Variants in NBEA observed in about 807,000 individuals in gnomAD.
The protein encoded by NBEA is lysosomal-trafficking regulator 2.
Under a neutral mutation model 343.4 loss-of-function variants are expected in NBEA, and 44 were observed. That is an observed-to-expected ratio of 0.13 (90% CI 0.10 to 0.16). The LOEUF is 0.16. NBEA is among the 10% of genes least tolerant of loss of function. NBEA has a pLI of 1.00. For missense variants in NBEA, 2,555 were observed against 3,631.3 expected (o/e 0.70, Z 7.62); for synonymous variants, 1,175 against 1,238.7 (o/e 0.95, Z 1.08).
At chr13:35,390,343 T>C (rs2042441611) in intron 38 of NBEA, among the ~76,000 whole-genome samples, 1 of 152,164 alleles carries the variant, frequency 6.6e-6, no homozygotes, top group South Asian at 2.1e-4. Context: ...TCTTTTTCTT[T>C]GGAGACTTTA....
intron 18 of NBEA, among the ~76,000 whole-genome samples, chr13:35,151,595 G>A (rs1259243699): frequency 6.6e-6 from 1 of 150,856 alleles, no homozygotes; most frequent in Non-Finnish European, 1.5e-5. Flanking sequence ...AGCAGGACAT[G>A]TCAGACAACA....
intron 34 of NBEA, among the ~76,000 whole-genome samples, chr13:35,257,013 C>G (rs970489900): frequency 2.0e-5 from 3 of 152,180 alleles, no homozygotes; most frequent in African/African-American, 7.2e-5. Flanking sequence ...CCATGCAGCC[C>G]ACAGCCCTGG....
At chr13:35,383,759 AATT>A (rs1374898282) in intron 38 of NBEA, among the ~76,000 whole-genome samples, 2 of 152,136 alleles carry the variant, frequency 1.3e-5, no homozygotes, top group African/African-American at 4.8e-5. Context: ...CAATAACTAA[AATT>A]ATTCATGAAA....
At chr13:35,341,908 C>CA (rs1210621725) in intron 36 of NBEA, among the ~76,000 whole-genome samples, 2 of 151,916 alleles carry the variant, frequency 1.3e-5, no homozygotes. Flanking sequence ...CATATGTTCA[C>CA]AAAAAACTAT....
At chr13:35,327,711 C>G (rs56051105) in intron 36 of NBEA, among the ~76,000 whole-genome samples, 6,293 of 151,858 alleles carry the variant, frequency 0.041, 153 homozygotes, top group South Asian at 0.078. Context: ...CTATTGTACC[C>G]CAAACCTCAA....
chr13:35,382,185 A>G (rs546414394), intron 38 of NBEA, among the ~76,000 whole-genome samples: 16 of 152,130 alleles, frequency 1.1e-4, no homozygotes, highest in Non-Finnish European at 2.2e-4. Context: ...TGACATGATA[A>G]CAAGGATTTT....
intron 45 of NBEA, among the ~76,000 whole-genome samples, chr13:35,567,270 A>G (rs936919018): frequency 6.6e-6 from 1 of 152,202 alleles, no homozygotes; most frequent in African/African-American, 2.4e-5. Context: ...TTTCTCATAT[A>G]TCCTAGGCTT....
chr13:35,006,325 G>A (rs552973913), intron 1 of NBEA, among the ~76,000 whole-genome samples: 2 of 152,002 alleles, frequency 1.3e-5, no homozygotes, highest in African/African-American at 4.8e-5. Context: ...TAACATGCAT[G>A]TTTGATTTAT....
At chr13:35,135,856 A>T (rs951468021) in intron 17 of NBEA, among the ~76,000 whole-genome samples, 6 of 152,046 alleles carry the variant, frequency 3.9e-5, no homozygotes, top group Non-Finnish European at 7.4e-5. Context: ...AAATTATTTA[A>T]CTTCTGGATT....
intron 41 of NBEA, among the ~76,000 whole-genome samples, chr13:35,497,319 A>G (rs1407004434): frequency 6.6e-6 from 1 of 152,110 alleles, no homozygotes; most frequent in Non-Finnish European, 1.5e-5. Context: ...TAACATTTAT[A>G]TTTATCTGCA....
At chr13:35,120,398 C>G (rs1339669005) in intron 16 of NBEA, among the ~76,000 whole-genome samples, 1 of 152,134 alleles carries the variant, frequency 6.6e-6, no homozygotes, top group Non-Finnish European at 1.5e-5. Flanking sequence ...TTCCTTGACA[C>G]TTCAGCTTTT....
At chr13:35,174,425 A>G (rs2070717892) in intron 27 of NBEA, among the ~76,000 whole-genome samples, 1 of 152,108 alleles carries the variant, frequency 6.6e-6, no homozygotes, top group Non-Finnish European at 1.5e-5. Context: ...ACTTGTAATT[A>G]CATGTTTAAT....
intron 38 of NBEA, among the ~76,000 whole-genome samples, chr13:35,353,431 T>C (rs374333148): frequency 4.0e-4 from 60 of 151,034 alleles, no homozygotes; most frequent in African/African-American, 1.4e-3. Context: ...TGAGACTTTG[T>C]CTCAAAAAAA....
intron 41 of NBEA, among the ~76,000 whole-genome samples, chr13:35,526,985 C>A (rs1408032106): frequency 6.6e-6 from 1 of 152,048 alleles, no homozygotes; most frequent in Non-Finnish European, 1.5e-5. Flanking sequence ...TCAGGGAGCC[C>A]CTAGGTCTGG....
chr13:35,434,942 G>C (rs902613456), intron 39 of NBEA, among the ~76,000 whole-genome samples: 4 of 152,152 alleles, frequency 2.6e-5, no homozygotes, highest in Non-Finnish European at 4.4e-5. Flanking sequence ...GGACCCAAAA[G>C]ATAAGGAAAG....
intron 38 of NBEA, among the ~76,000 whole-genome samples, chr13:35,426,215 G>C (rs867543171): frequency 2.6e-5 from 4 of 152,102 alleles, no homozygotes; most frequent in Admixed American, 6.5e-5. Context: ...TATTTTGCTC[G>C]TTAGTTGATG....
chr13:35,499,243 A>C (rs912165963), intron 41 of NBEA, among the ~76,000 whole-genome samples: 2 of 152,024 alleles, frequency 1.3e-5, no homozygotes, highest in African/African-American at 4.8e-5. Flanking sequence ...TCACAAAAAG[A>C]CTCCCATAGT....
chr13:34,993,082 C>G (rs1020036636), intron 1 of NBEA, among the ~76,000 whole-genome samples: 1 of 152,160 alleles, frequency 6.6e-6, no homozygotes, highest in Admixed American at 6.5e-5. Flanking sequence ...CCTCTCTCCA[C>G]TTTGCTATCT....
intron 10 of NBEA, among the ~76,000 whole-genome samples, chr13:35,088,622 TG>T (rs895918928): frequency 1.6e-4 from 25 of 152,092 alleles, no homozygotes; most frequent in African/African-American, 6.0e-4. Context: ...GATATTAGGC[TG>T]GTAGGGTCTC....
Sources: gnomAD v4.1 joint callset for allele counts (sites outside exome capture counted in the v4.1 genomes callset) on GRCh38, gnomAD v4.1.1 for gene constraint, MANE v1.5 for transcripts, NCBI Gene and HGNC (gene_info 2026-07-23, HGNC 2026-07-21) for gene names.